The following KIAA1755 variants were observed in gnomAD, a reference collection of about 807,000 sequenced individuals.
KIAA1755 encodes KIAA1755.
Under a neutral mutation model 91.7 loss-of-function variants are expected in KIAA1755, and 68 were observed. The ratio of observed to expected loss-of-function variants is 0.74; its 90% CI spans 0.61 to 0.91. The LOEUF (loss-of-function observed/expected upper bound fraction) is 0.91. Among genes scored for constraint, KIAA1755 ranks in the 40% least tolerant of loss-of-function variants. The pLI is 0.00. For missense variants in KIAA1755, 1,535 were observed against 1,494.4 expected (o/e 1.03, Z -0.45); for synonymous variants, 610 against 604.6 (o/e 1.01, Z -0.13).
At chr20:38,259,051 G>C (rs1455901481) in intron 1 of KIAA1755, among the ~76,000 whole-genome samples, 1 of 152,142 alleles carries the variant, frequency 6.6e-6, no homozygotes, top group Non-Finnish European at 1.5e-5. Context: ...GCACTTTCTG[G>C]GTGGGGTGAC....
Position 38,217,356 on chromosome 20 carries a change from G to T in KIAA1755, c.2798C>A (p.Thr933Asn). The stretch of plus-strand genomic sequence containing the variant: ...CAGCTCAGCCTGGAAGGCCCGCTGG[G>T]TAGAGGCAAAGGCTGCCAGCTCTGG... The part of the protein sequence containing the change: ...EFPELAAFAS[T>N]QRAFQAELTH... Residue 933 changes from threonine (T) to asparagine (N), a missense_variant, in exon 13 of 14, where the codon ACC becomes AAC. By Grantham distance (65) the Thr-to-Asn change is moderately conservative. Coordinates refer to ENST00000279024, the MANE Select transcript of KIAA1755 (RefSeq NM_001029864.2). 6.2e-7 allele frequency: 1 copy of T among 1,613,296 alleles called. No homozygotes were observed. Among genetic ancestry groups the T allele is most frequent in the Non-Finnish European group, 8.5e-7 (1 of 1,179,706 alleles).
intron 9 of KIAA1755, 50 bp downstream of exon 9, chr20:38,223,488 G>A: frequency 1.5e-6 from 2 of 1,333,990 alleles, no homozygotes; most frequent in Non-Finnish European, 2.0e-6. Context: ...CTTGGTCCAT[G>A]GGGTCTGGGG....
chr20:38,259,826 A>AC (rs1237007933), intron 1 of KIAA1755, among the ~76,000 whole-genome samples: 4 of 148,592 alleles, frequency 2.7e-5, no homozygotes, highest in Non-Finnish European at 4.5e-5. Flanking sequence ...ACCACCACAC[A>AC]CACACACACA....
intron 2 of KIAA1755, 134 bp from the exon 3 acceptor site, chr20:38,242,063 C>A (rs934177246): frequency 9.2e-6 from 8 of 873,290 alleles, no homozygotes; most frequent in Admixed American, 2.7e-5. Context: ...AGGAGGCACT[C>A]ACTGTCAAGG....
chr20:38,241,318 G>T lies in KIAA1755; in HGVS notation c.813C>A (p.Phe271Leu). 1 of 1,614,126 alleles carries T rather than the reference G, an allele frequency of 6.2e-7. No homozygotes were observed. The highest frequency in any genetic ancestry group is 8.5e-7 in the Non-Finnish European group (1 of 1,180,022). ...CTAGGAGAGCCACATAGTCTCCCTC[G>T]AAGTCCTGGCTGACCACCTCGTCCA... The part of the protein sequence containing the change: ...FRMDEVVSQD[F>L]EGDYVALLGF... Residue 271 changes from phenylalanine (F) to leucine (L), a missense_variant, in exon 3 of 14, where the codon TTC becomes TTA. Transcript: ENST00000279024.
intron 1 of KIAA1755, among the ~76,000 whole-genome samples, chr20:38,252,156 G>A (rs1238327846): frequency 2.0e-5 from 3 of 152,184 alleles, no homozygotes; most frequent in Non-Finnish European, 4.4e-5. Context: ...TCACTCAGAT[G>A]ATTGTTCTAG....
intron 1 of KIAA1755, among the ~76,000 whole-genome samples, chr20:38,254,774 C>T (rs1314938489): frequency 2.7e-5 from 4 of 150,618 alleles, no homozygotes; most frequent in Non-Finnish European, 1.5e-5. Flanking sequence ...CAGAGCGAGT[C>T]CCCAACTCCA....
intron 5 of KIAA1755, among the ~76,000 whole-genome samples, chr20:38,228,960 A>G (rs181966540): frequency 6.6e-6 from 1 of 152,326 alleles, no homozygotes; most frequent in East Asian, 1.9e-4. Context: ...AAACTGGCAC[A>G]ATTTTCAAGA....
At chr20:38,258,192 C>T (rs944247866) in intron 1 of KIAA1755, among the ~76,000 whole-genome samples, 1 of 152,150 alleles carries the variant, frequency 6.6e-6, no homozygotes, top group African/African-American at 2.4e-5. Flanking sequence ...TGAGCCACTG[C>T]GCCCGGCTTA....
At position 38,231,222 on chromosome 20, in the gene KIAA1755, G is replaced by T; in HGVS notation, c.1851C>A (p.Ser617=). The T allele has an allele frequency of 6.2e-7, 1 of 1,613,740 alleles. No individual in the cohort carries two copies. The highest frequency in any genetic ancestry group is 8.5e-7 in the Non-Finnish European group (1 of 1,179,840). ...CTVSEVTKLL[S]YLCTIPRPED... ...CTTACCTGGGGATGGTACACAGGTAGGACAGTAGCTTGGTGACCTCTGAAA... is the reference window on the plus strand; with the variant it reads ...CTTACCTGGGGATGGTACACAGGTATGACAGTAGCTTGGTGACCTCTGAAA... The change falls in exon 5 of 14, where the codon TCC becomes TCA. Residue 617 remains serine (S), a synonymous_variant. Coordinates refer to ENST00000279024, the MANE Select transcript of KIAA1755 (RefSeq NM_001029864.2).
intron 12 of KIAA1755, 23 bp from the exon 13 acceptor site, chr20:38,217,497 G>T: frequency 6.5e-7 from 1 of 1,546,474 alleles, no homozygotes; most frequent in Non-Finnish European, 8.8e-7. Context: ...AGGAGGGGGC[G>T]CCCACTCAGC....
chr20:38,252,797 G>T (rs1020207926), intron 1 of KIAA1755, among the ~76,000 whole-genome samples: 5 of 152,184 alleles, frequency 3.3e-5, no homozygotes, highest in Non-Finnish European at 7.3e-5. Flanking sequence ...AGTTAACAGA[G>T]CTCCGAGCTC....
At chr20:38,217,107 G>T (rs577081472) in intron 13 of KIAA1755, 146 bp downstream of exon 13, 19 of 662,604 alleles carry the variant, frequency 2.9e-5, no homozygotes, top group Admixed American at 1.2e-4. Context: ...GCAAGTGGGT[G>T]GGGGGGGGCT....
intron 2 of KIAA1755, among the ~76,000 whole-genome samples, chr20:38,242,776 T>TC (rs2076091525): frequency 1.3e-5 from 2 of 152,288 alleles, no homozygotes; most frequent in Non-Finnish European, 2.9e-5. Flanking sequence ...CAAAGGTTAT[T>TC]CTGGGCCTGA....
Position 38,241,030 on chromosome 20 carries a change from C to T in KIAA1755, c.1101G>A (p.Arg367=). 1 of 1,614,172 alleles carries T rather than the reference C, an allele frequency of 6.2e-7. No homozygotes were observed. The highest frequency in any genetic ancestry group is 8.5e-7 in the Non-Finnish European group (1 of 1,180,044). ...NLKAPTHNSE[R]PPQGSYMNVL... Reference sequence around the variant, plus strand: ...CATTCATGTAGGAGCCTTGGGGCGGCCTTTCTGAGTTGTGGGTGGGTGCTT... The same window carrying T: ...CATTCATGTAGGAGCCTTGGGGCGGTCTTTCTGAGTTGTGGGTGGGTGCTT... Residue 367 remains arginine, a synonymous_variant, in exon 3 of 14, where the codon AGG becomes AGA. Coordinates refer to ENST00000279024, the MANE Select transcript of KIAA1755 (RefSeq NM_001029864.2).
intron 4 of KIAA1755, among the ~76,000 whole-genome samples, chr20:38,231,607 A>C (rs2075865327): frequency 6.6e-6 from 1 of 152,210 alleles, no homozygotes; most frequent in Admixed American, 6.5e-5. Flanking sequence ...GGGGTCACAC[A>C]GAAAGGGGTC....
chr20:38,215,181 C>G (rs2075523246), intron 13 of KIAA1755, among the ~76,000 whole-genome samples: 1 of 152,216 alleles, frequency 6.6e-6, no homozygotes, highest in Non-Finnish European at 1.5e-5. Flanking sequence ...TCTTGCCCAA[C>G]CCCTTATTGA....
intron 8 of KIAA1755, among the ~76,000 whole-genome samples, chr20:38,224,081 T>C (rs1176456311): frequency 1.3e-5 from 2 of 152,208 alleles, no homozygotes; most frequent in African/African-American, 2.4e-5. Context: ...CTGTGAGACC[T>C]TGGGCAAGTT....
At chr20:38,240,322 A>G (rs1053312342) in intron 3 of KIAA1755, among the ~76,000 whole-genome samples, 5 of 152,036 alleles carry the variant, frequency 3.3e-5, no homozygotes, top group African/African-American at 1.2e-4. Flanking sequence ...ACTCAGAGAA[A>G]CTCAGTACTT....
Sources: allele counts gnomAD v4.1 joint callset (sites outside exome capture counted in the v4.1 genomes callset), GRCh38; gene constraint gnomAD v4.1.1; transcripts MANE v1.5; gene names NCBI Gene and HGNC (gene_info 2026-07-23, HGNC 2026-07-21).